SLC44A5: variants seen among roughly 807,000 people sequenced by gnomAD.
SLC44A5 encodes solute carrier family 44 member 5.
Under a neutral mutation model 101.8 loss-of-function variants are expected in SLC44A5, and 57 were observed. The ratio of observed to expected loss-of-function variants is 0.56; its 90% confidence interval spans 0.45 to 0.70. SLC44A5 has a LOEUF of 0.70. SLC44A5 is among the 30% of genes least tolerant of loss of function. The probability of loss-of-function intolerance (pLI) is 0.00; values close to 1 mark genes in which losing one functional copy is unlikely to be tolerated. For missense variants in SLC44A5, 737 were observed against 853.1 expected, an observed-to-expected ratio of 0.86 and a Z score of 1.70; for synonymous variants, 281 against 290.9, an observed-to-expected ratio of 0.97 and a Z score of 0.35.
chr1:75,392,339 T>C (rs1469871077), intron 3 of SLC44A5, among the ~76,000 whole-genome samples: 2 of 151,678 alleles, frequency 1.3e-5, no homozygotes, highest in Non-Finnish European at 2.9e-5. Context: ...ACAATTCCAT[T>C]AAAAGGTGGA....
At chr1:75,275,083 C>T in intron 5 of SLC44A5, 41 bp from the exon 6 acceptor site, 2 of 1,529,982 alleles carry the variant, frequency 1.3e-6, no homozygotes, top group Non-Finnish European at 1.8e-6. Flanking sequence ...TCAGCAAAAG[C>T]CAGCTAAAGG....
At chr1:75,612,668 G>A (rs370858807), upstream of SLC44A5, among the ~76,000 whole-genome samples, 28 of 152,056 alleles carry the variant, frequency 1.8e-4, no homozygotes, top group African/African-American at 2.9e-4. Flanking sequence ...GTTCATTACC[G>A]TATCCCTAGT....
rs74938732 is a variant in SLC44A5 at position 75,245,487 on chromosome 1, T to C, written c.346-2476A>G. ...TTGACAGACATTTAGACTTCAACAA[T>C]TGACTCATGTAACTTTGAAAGACAA... On this transcript the variant is annotated intron_variant, in intron 7 of 23. Transcript: ENST00000370859. Among the ~76,000 whole-genome samples, 314 of 152,252 alleles carry C rather than the reference T, an allele frequency of 2.1e-3. 2 individuals carry two copies. The highest frequency in any genetic ancestry group is 7.2e-3 in the African/African-American group (301 of 41,574).
intron 2 of SLC44A5, among the ~76,000 whole-genome samples, chr1:75,524,341 T>C (rs1172444987): frequency 6.6e-6 from 1 of 152,166 alleles, no homozygotes; most frequent in East Asian, 1.9e-4. Flanking sequence ...ATTAAACCTC[T>C]TTTCTTTATA....
chr1:75,682,393 G>C, the SLC44A5 span, among the ~76,000 whole-genome samples: 2 of 151,860 alleles, frequency 1.3e-5, no homozygotes, highest in Non-Finnish European at 1.5e-5. Flanking sequence ...CATGGTACTG[G>C]TACCAAAACA....
chr1:75,506,827 C>G (rs1669283730), intron 2 of SLC44A5, among the ~76,000 whole-genome samples: 1 of 149,764 alleles, frequency 6.7e-6, no homozygotes, highest in Non-Finnish European at 1.5e-5. Context: ...ATTTATTTCT[C>G]TTACCTGATT....
At chr1:75,592,693 C>T (rs1204691907) in intron 1 of SLC44A5, among the ~76,000 whole-genome samples, 1 of 151,982 alleles carries the variant, frequency 6.6e-6, no homozygotes, top group Admixed American at 6.6e-5. Flanking sequence ...GAAATCTACA[C>T]ACCCACAGTG....
chr1:75,492,381 T>A (rs1258858455), intron 2 of SLC44A5, among the ~76,000 whole-genome samples: 1 of 152,200 alleles, frequency 6.6e-6, no homozygotes, highest in African/African-American at 2.4e-5. Flanking sequence ...AGACATTTAT[T>A]TATTGAATGT....
At chr1:75,210,026 T>C (rs1646822007) in intron 23 of SLC44A5, among the ~76,000 whole-genome samples, 1 of 150,954 alleles carries the variant, frequency 6.6e-6, no homozygotes, top group Non-Finnish European at 1.5e-5. Flanking sequence ...ACTTTTCAAG[T>C]GAGGTACTAA....
chr1:75,688,296 G>A, the SLC44A5 span, among the ~76,000 whole-genome samples: 3 of 152,100 alleles, frequency 2.0e-5, no homozygotes, highest in Non-Finnish European at 4.4e-5. Context: ...GACCCCAGTT[G>A]GGAACTATTT....
At chr1:75,293,381 C>T (rs1653717416) in intron 5 of SLC44A5, among the ~76,000 whole-genome samples, 1 of 152,084 alleles carries the variant, frequency 6.6e-6, no homozygotes, top group East Asian at 1.9e-4. Flanking sequence ...CTGCTTGCAC[C>T]GACACTTAAA....
At chr1:75,578,655 T>C (rs1673510679) in intron 1 of SLC44A5, among the ~76,000 whole-genome samples, 1 of 152,064 alleles carries the variant, frequency 6.6e-6, no homozygotes, top group African/African-American at 2.4e-5. Flanking sequence ...GATGGGGAGA[T>C]GTTGGTCAAA....
chr1:75,645,076 A>G, the SLC44A5 span, among the ~76,000 whole-genome samples: 1 of 152,070 alleles, frequency 6.6e-6, no homozygotes, highest in Non-Finnish European at 1.5e-5. Flanking sequence ...GAATAGTGCC[A>G]CAATAAACAT....
At chr1:75,241,051 C>A (rs1414194591) in intron 9 of SLC44A5, among the ~76,000 whole-genome samples, 1 of 146,336 alleles carries the variant, frequency 6.8e-6, no homozygotes, top group Non-Finnish European at 1.5e-5. Flanking sequence ...TAAAATATTT[C>A]ATTTAGTGAA....
chr1:75,288,316 T>C (rs1412572018), intron 5 of SLC44A5, among the ~76,000 whole-genome samples: 1 of 152,198 alleles, frequency 6.6e-6, no homozygotes, highest in Non-Finnish European at 1.5e-5. Flanking sequence ...CCTTAAGACC[T>C]AAACTATTAC....
intron 2 of SLC44A5, among the ~76,000 whole-genome samples, chr1:75,508,844 A>G (rs1297008971): frequency 1.3e-5 from 2 of 152,268 alleles, no homozygotes; most frequent in African/African-American, 2.4e-5. Flanking sequence ...AGAATAATTT[A>G]GGGAATCTAG....
intron 4 of SLC44A5, among the ~76,000 whole-genome samples, chr1:75,334,241 C>G (rs1228319621): frequency 2.0e-5 from 3 of 152,152 alleles, no homozygotes; most frequent in Non-Finnish European, 2.9e-5. Flanking sequence ...ATCAGTGTGT[C>G]TTCTGAGCTG....
chr1:75,340,225 G>A (rs1252298850), intron 3 of SLC44A5, among the ~76,000 whole-genome samples: 1 of 152,138 alleles, frequency 6.6e-6, no homozygotes, highest in Non-Finnish European at 1.5e-5. Flanking sequence ...TCACTTTACT[G>A]CATTATGATT....
chr1:75,214,591 G>T lies in SLC44A5; in HGVS notation c.1802+14C>A, dbSNP rs372450426. ...CTACATTGTTAAATTACATTGTGCA[G>T]CCTGATTACTTACTTCAAAACATTT... On this transcript the variant is annotated intron_variant, in intron 20 of 23. Coordinates refer to ENST00000370859, the MANE Select transcript of SLC44A5 (RefSeq NM_001130058.2). The T allele has an allele frequency of 1.2e-6, 2 of 1,607,396 alleles. No individual in the cohort carries two copies. The highest frequency in any genetic ancestry group is 1.3e-5 in the African/African-American group (1 of 74,776).
Sources: allele counts gnomAD v4.1 joint callset (sites outside exome capture counted in the v4.1 genomes callset), GRCh38; gene constraint gnomAD v4.1.1; transcripts MANE v1.5; gene names NCBI Gene and HGNC (gene_info 2026-07-23, HGNC 2026-07-21).